FOXP2: variants seen among roughly 807,000 people sequenced by gnomAD.
FOXP2 encodes the protein forkhead box protein P2.
Under a neutral mutation model 115.8 loss-of-function variants are expected in FOXP2, and 12 were observed. The ratio of observed to expected loss-of-function variants is 0.10; its 90% confidence interval spans 0.07 to 0.17. The LOEUF is 0.17. Among genes scored for constraint, FOXP2 ranks in the 10% least tolerant of loss-of-function variants. The pLI is 1.00. For synonymous variants in FOXP2, 328 were observed against 297.7 expected (o/e 1.10, Z -1.05); for missense variants, 629 against 843.5 (o/e 0.75, Z 3.15).
intron 1 of FOXP2, among the ~76,000 whole-genome samples, chr7:114,284,188 G>A (rs12531836): frequency 0.56 from 85,252 of 151,684 alleles, 26,731 homozygotes; most frequent in Admixed American, 0.74. Flanking sequence ...AATGGCACAC[G>A]GATCCTTTCA....
At chr7:114,384,434 G>T (rs1012448749) in intron 2 of FOXP2, among the ~76,000 whole-genome samples, 1 of 152,118 alleles carries the variant, frequency 6.6e-6, no homozygotes, top group African/African-American at 2.4e-5. Flanking sequence ...CAAACAGCTC[G>T]CACATTTGAG....
chr7:114,648,626 A>T (rs974955404), intron 8 of FOXP2, among the ~76,000 whole-genome samples: 4 of 152,116 alleles, frequency 2.6e-5, no homozygotes, highest in African/African-American at 7.2e-5. Flanking sequence ...AATTGGAAGG[A>T]TCCTTTCCTA....
At chr7:114,428,859 G>GA (rs571940264) in intron 2 of FOXP2, among the ~76,000 whole-genome samples, 53 of 151,548 alleles carry the variant, frequency 3.5e-4, no homozygotes, top group Non-Finnish European at 7.7e-4. Context: ...CACAAGAAGT[G>GA]AAAAAGTGAA....
intron 2 of FOXP2, among the ~76,000 whole-genome samples, chr7:114,404,406 A>G (rs1212471042): frequency 1.3e-5 from 2 of 152,192 alleles, no homozygotes; most frequent in African/African-American, 4.8e-5. Context: ...AATTGGTTAC[A>G]TAACACTTTA....
chr7:114,091,893 A>C lies in FOXP2; in HGVS notation c.-247+4055A>C, dbSNP rs567469797. Among the ~76,000 whole-genome samples the C allele has an allele frequency of 4.6e-5, 7 of 152,074 alleles. No individual in the cohort carries two copies. The South Asian group carries it at 1.5e-3, about 32-fold the overall frequency. ...TTGAAATACACATTCTTGGACCTGT[A>C]CTCAACTACTGCTTGAATTCAGCTT... On this transcript the variant is annotated intron_variant, in intron 1 of 19. Transcript: ENST00000635638.
At chr7:114,172,541 C>T (rs1793176051) in intron 1 of FOXP2, among the ~76,000 whole-genome samples, 1 of 152,084 alleles carries the variant, frequency 6.6e-6, no homozygotes, top group Non-Finnish European at 1.5e-5. Context: ...AGGGGTTCAT[C>T]AGTTGTGGCA....
chr7:114,335,284 A>G (rs1390565298), intron 2 of FOXP2, among the ~76,000 whole-genome samples: 5 of 151,770 alleles, frequency 3.3e-5, no homozygotes. Flanking sequence ...AATTTATGTA[A>G]AATAAAAATC....
intron 1 of FOXP2, among the ~76,000 whole-genome samples, chr7:114,093,215 C>G (rs1584474327): frequency 6.6e-6 from 1 of 152,244 alleles, no homozygotes; most frequent in East Asian, 1.9e-4. Context: ...AAGCTGACTC[C>G]TACTCCAGAG....
chr7:114,629,924 A>ACAACAACAGCAG lies in FOXP2; in HGVS notation c.531_542dup (p.Gln188_Gln191dup). On this transcript the variant is annotated inframe_insertion, in exon 5 of 17. Transcript: ENST00000350908. Reference sequence around the variant, plus strand: ...AGCAACAACAGCAGCAGCAACAACAACAACAACAGCAGCAACAACAGCAGC... The same window carrying ACAACAACAGCAG: ...AGCAACAACAGCAGCAGCAACAACAACAACAACAGCAGCAACAACAGCAGCAACAACAGCAGC... The ACAACAACAGCAG allele has an allele frequency of 6.2e-7, 1 of 1,604,316 alleles. No homozygotes were observed. The highest frequency in any genetic ancestry group is 8.5e-7 in the Non-Finnish European group (1 of 1,176,804).
chr7:114,274,808 T>G (rs1313271808), intron 1 of FOXP2, among the ~76,000 whole-genome samples: 1 of 150,840 alleles, frequency 6.6e-6, no homozygotes, highest in East Asian at 2.0e-4. Context: ...TGTTTGTTTG[T>G]TTTTTTGTTT....
At chr7:114,586,238 G>A (rs1802122951) in intron 3 of FOXP2, among the ~76,000 whole-genome samples, 1 of 152,098 alleles carries the variant, frequency 6.6e-6, no homozygotes, top group African/African-American at 2.4e-5. Context: ...TTAATAGTGT[G>A]AAGTTTAAAA....
At chr7:114,091,460 G>C (rs537575364) in intron 1 of FOXP2, among the ~76,000 whole-genome samples, 1 of 151,810 alleles carries the variant, frequency 6.6e-6, no homozygotes, top group African/African-American at 2.4e-5. Flanking sequence ...CCTCAAATGT[G>C]ATATTAAGTA....
intron 1 of FOXP2, among the ~76,000 whole-genome samples, chr7:114,423,561 C>G (rs1201780374): frequency 6.6e-6 from 1 of 151,422 alleles, no homozygotes; most frequent in Admixed American, 6.6e-5. Context: ...TTCATCTTTC[C>G]CTTTAATGAT....
chr7:114,648,679 G>T (rs1445133645), intron 8 of FOXP2, among the ~76,000 whole-genome samples: 4 of 152,076 alleles, frequency 2.6e-5, no homozygotes, highest in Non-Finnish European at 5.9e-5. Flanking sequence ...TTTTTAGAAA[G>T]AATTTGACTG....
chr7:114,519,638 G>C (rs1456515879), intron 2 of FOXP2, among the ~76,000 whole-genome samples: 1 of 152,104 alleles, frequency 6.6e-6, no homozygotes, highest in Admixed American at 6.6e-5. Context: ...TTACAAGAGA[G>C]TGCCAAAATG....
intron 1 of FOXP2, among the ~76,000 whole-genome samples, chr7:114,179,837 A>G (rs1405558604): frequency 1.3e-5 from 2 of 152,050 alleles, no homozygotes; most frequent in African/African-American, 4.8e-5. Flanking sequence ...CATGTAGAAT[A>G]TAACTATTAC....
chr7:114,090,327 C>T (rs1166201478), intron 1 of FOXP2, among the ~76,000 whole-genome samples: 1 of 151,774 alleles, frequency 6.6e-6, no homozygotes, highest in Non-Finnish European at 1.5e-5. Flanking sequence ...TTGGCACATT[C>T]AAGCTATTTT....
At chr7:114,593,065 A>G (rs906729605) in intron 3 of FOXP2, among the ~76,000 whole-genome samples, 2 of 152,016 alleles carry the variant, frequency 1.3e-5, no homozygotes, top group Admixed American at 6.6e-5. Context: ...CTAAAAAATC[A>G]TAGGATTGAA....
intron 1 of FOXP2, among the ~76,000 whole-genome samples, chr7:114,110,956 T>TA (rs1791252761): frequency 6.6e-6 from 1 of 152,118 alleles, no homozygotes; most frequent in Admixed American, 6.6e-5. Flanking sequence ...AGTATGATCT[T>TA]AGAACACCCA....
Sources: gnomAD v4.1 joint callset for allele counts (sites outside exome capture counted in the v4.1 genomes callset) on GRCh38, gnomAD v4.1.1 for gene constraint, MANE v1.5 for transcripts, NCBI Gene and HGNC (gene_info 2026-07-23, HGNC 2026-07-21) for gene names.